The following SCAMP1 variants were observed in gnomAD, a reference collection of about 807,000 sequenced individuals.
SCAMP1 encodes secretory carrier-associated membrane protein 1.
In SCAMP1, 15 loss-of-function variants were observed where a neutral mutation model predicts 41.8. The observed-to-expected ratio is 0.36, with a 90% CI of 0.24 to 0.55. SCAMP1 has a LOEUF of 0.55. Ranked by LOEUF, SCAMP1 falls within the 20% of genes least tolerant of loss-of-function variation. SCAMP1 has a pLI of 0.86. For missense variants in SCAMP1, 341 were observed against 412.6 expected (o/e 0.83, Z 1.50); for synonymous variants, 135 against 136.8 (o/e 0.99, Z 0.09).
chr5:78,448,816 C>A (rs963295776), intron 6 of SCAMP1, among the ~76,000 whole-genome samples: 1 of 152,046 alleles, frequency 6.6e-6, no homozygotes, highest in African/African-American at 2.4e-5. Flanking sequence ...ACCTGACCAA[C>A]GTGGAGAAAC....
intron 7 of SCAMP1, among the ~76,000 whole-genome samples, chr5:78,458,158 G>A (rs139214778): frequency 2.6e-5 from 4 of 152,116 alleles, no homozygotes; most frequent in South Asian, 2.1e-4. Flanking sequence ...CGTCGCTCTC[G>A]CTGGGAGCTG....
rs570258912 is a variant in SCAMP1, at chr5:78,410,983, A to G, written c.136-4537A>G. ...GTTCATGTCCTTTGCCTGCTTTTTA[A>G]TGGCATTTTTTTCTTGTAAATAAGT... is the stretch of plus-strand genomic sequence containing the variant. On this transcript the variant is annotated intron_variant, in intron 2 of 8. Transcript: ENST00000621999. Among the ~76,000 whole-genome samples, 4 of 151,946 alleles carry G rather than the reference A, an allele frequency of 2.6e-5. 1 individual carries two copies. In the East Asian group the frequency reaches 7.7e-4, roughly 29 times the overall value.
chr5:78,366,960 GAT>G (rs1006658541), intron 1 of SCAMP1, among the ~76,000 whole-genome samples: 1 of 148,670 alleles, frequency 6.7e-6, no homozygotes, highest in Non-Finnish European at 1.5e-5. Context: ...ACAAAAAAAA[GAT>G]ATAAAATTTT....
intron 6 of SCAMP1, among the ~76,000 whole-genome samples, chr5:78,444,205 G>A (rs796291318): frequency 2.3e-4 from 35 of 152,286 alleles, no homozygotes; most frequent in African/African-American, 8.4e-4. Context: ...AAAAGCACCT[G>A]TACTTCTTAG....
chr5:78,426,436 T>C (rs1580685723), intron 6 of SCAMP1, among the ~76,000 whole-genome samples: 2 of 152,238 alleles, frequency 1.3e-5, no homozygotes, highest in East Asian at 3.8e-4. Flanking sequence ...TATTTCTCCA[T>C]GGCCTTGCCA....
chr5:78,446,608 G>A (rs1753058200), intron 6 of SCAMP1, among the ~76,000 whole-genome samples: 1 of 152,076 alleles, frequency 6.6e-6, no homozygotes, highest in Non-Finnish European at 1.5e-5. Flanking sequence ...AGAAAAATTA[G>A]TATTAAAAGT....
intron 6 of SCAMP1, among the ~76,000 whole-genome samples, chr5:78,448,479 TACA>T (rs1028955531): frequency 1.3e-5 from 2 of 152,104 alleles, no homozygotes; most frequent in Non-Finnish European, 2.9e-5. Flanking sequence ...GCAATCTAAT[TACA>T]ACATCAGAAA....
At chr5:78,460,844 T>C (rs1753592397) in intron 8 of SCAMP1, among the ~76,000 whole-genome samples, 1 of 120,342 alleles carries the variant, frequency 8.3e-6, no homozygotes, top group South Asian at 3.2e-4. Context: ...CCTCTATCTG[T>C]CTCTCTTTCT....
chr5:78,444,154 G>T (rs961115382), intron 6 of SCAMP1, among the ~76,000 whole-genome samples: 2 of 152,124 alleles, frequency 1.3e-5, no homozygotes, highest in Non-Finnish European at 2.9e-5. Context: ...AGGGAATATG[G>T]GGCTGGTTTA....
intron 2 of SCAMP1, among the ~76,000 whole-genome samples, chr5:78,391,237 A>C (rs1314129858): frequency 6.6e-6 from 1 of 150,670 alleles, no homozygotes; most frequent in Non-Finnish European, 1.5e-5. Context: ...GGCCGGGCAG[A>C]GGCGCCCCTC....
At chr5:78,464,070 C>T (rs111281660) in intron 8 of SCAMP1, among the ~76,000 whole-genome samples, 3 of 152,236 alleles carry the variant, frequency 2.0e-5, no homozygotes, top group South Asian at 4.1e-4. Context: ...CTCCGCCTCC[C>T]GGGTTCAAGC....
chr5:78,373,449 CTGTAGGAAAGTTGCTA>C lies in SCAMP1; in HGVS notation c.57+12736_57+12751del, dbSNP rs367625061. 3.7e-3 allele frequency among the ~76,000 whole-genome samples: 569 copies of C among 152,078 alleles called. 3 individuals carry two copies. The highest frequency in any genetic ancestry group is 0.013 in the African/African-American group (539 of 41,494). On this transcript the variant is annotated intron_variant, in intron 1 of 8. Coordinates refer to ENST00000621999, the MANE Select transcript of SCAMP1 (RefSeq NM_004866.6). ...CTCAACCTAAAACAAGCATCCCTAG[CTGTAGGAAAGTTGCTA>C]TGTAGGAAAGTTGCCACATGGGGAT...
At chr5:78,464,636 C>T (rs978219867) in intron 8 of SCAMP1, among the ~76,000 whole-genome samples, 3 of 151,028 alleles carry the variant, frequency 2.0e-5, no homozygotes, top group Admixed American at 6.6e-5. Flanking sequence ...GGATTGGGAA[C>T]GGCATTTTGG....
intron 6 of SCAMP1, among the ~76,000 whole-genome samples, chr5:78,423,828 G>A (rs1309969651): frequency 2.7e-5 from 4 of 148,090 alleles, no homozygotes; most frequent in Admixed American, 1.4e-4. Flanking sequence ...TCACTGTGCA[G>A]AGTAGAAATG....
intron 2 of SCAMP1, among the ~76,000 whole-genome samples, chr5:78,398,501 A>G (rs1247412947): frequency 7.0e-6 from 1 of 143,304 alleles, no homozygotes; most frequent in Non-Finnish European, 1.5e-5. Flanking sequence ...AAATGCTAGG[A>G]TTACAGGCAT....
chr5:78,448,726 C>T lies in SCAMP1; in HGVS notation c.633-1207C>T, dbSNP rs554025896. Among the ~76,000 whole-genome samples, 8 of 152,320 alleles carry T rather than the reference C, an allele frequency of 5.3e-5. No homozygotes were observed. The East Asian group carries it at 1.5e-3, about 29-fold the overall frequency. ...TGAAAAGTAGAACAACCAGGCTGGG[C>T]ACAGTGGCTCATGCCTGTAATCCCA... On this transcript the variant is annotated intron_variant, in intron 6 of 8. Coordinates refer to ENST00000621999, the MANE Select transcript of SCAMP1 (RefSeq NM_004866.6).
chr5:78,422,252 C>G (rs1463733966), intron 6 of SCAMP1, among the ~76,000 whole-genome samples: 1 of 150,716 alleles, frequency 6.6e-6, no homozygotes, highest in Non-Finnish European at 1.5e-5. Context: ...ATATGTTATA[C>G]TTCAAGGAAA....
chr5:78,406,907 C>T (rs1751948998), intron 2 of SCAMP1, among the ~76,000 whole-genome samples: 1 of 152,122 alleles, frequency 6.6e-6, no homozygotes, highest in African/African-American at 2.4e-5. Context: ...CAGGTCTGTT[C>T]CAGTTTTGTT....
Position 78,382,340 on chromosome 5 carries a change from T to C in SCAMP1, c.58-6497T>C, listed in dbSNP as rs191501793. 3.3e-3 allele frequency among the ~76,000 whole-genome samples: 505 copies of C among 152,330 alleles called. 2 individuals are homozygous for C. Among genetic ancestry groups the C allele is most frequent in the South Asian group, 0.019 (90 of 4,828 alleles). ...ATAAATGCTTTTCACATGAATTACA[T>C]AGTTGATTTTGTTGAGATATTCATT... On this transcript the variant is annotated intron_variant, in intron 1 of 8. Coordinates refer to ENST00000621999, the MANE Select transcript of SCAMP1 (RefSeq NM_004866.6).
Sources: gnomAD v4.1 joint callset for allele counts (sites outside exome capture counted in the v4.1 genomes callset) on GRCh38, gnomAD v4.1.1 for gene constraint, MANE v1.5 for transcripts, NCBI Gene and HGNC (gene_info 2026-07-23, HGNC 2026-07-21) for gene names.